RIMS3: variants seen among roughly 807,000 people sequenced by gnomAD.
RIMS3 encodes regulating synaptic membrane exocytosis protein 3.
RIMS3 carries 15 observed loss-of-function variants against 29.2 expected under a neutral mutation model. The ratio of observed to expected loss-of-function variants is 0.51; its 90% CI spans 0.34 to 0.79. The LOEUF is 0.79. RIMS3 is among the 30% of genes least tolerant of loss of function. RIMS3 has a pLI of 0.01. For missense variants in RIMS3, 342 were observed against 421.4 expected (o/e 0.81, Z 1.65); for synonymous variants, 161 against 170.1 (o/e 0.95, Z 0.41).
rs1557662445 is a variant in RIMS3 at position 40,626,325 on chromosome 1, T to A, written c.*192A>T. On this transcript the variant is annotated 3_prime_UTR_variant, in exon 8 of 8. Coordinates refer to ENST00000372684, the MANE Select transcript of RIMS3 (RefSeq NM_014747.3). ...AATGAACAGATAGAACGTGGTCACG[T>A]ACACACACACACACACGCACGCACA... 11 of 599,442 alleles carry A rather than the reference T, an allele frequency of 1.8e-5. No individual in the cohort carries two copies. The highest frequency in any genetic ancestry group is 8.7e-4 in the Middle Eastern group (2 of 2,296). The allele number at this position is 599,442 out of a possible 1,614,324, so 37.1% of individuals were successfully genotyped here.
chr1:40,651,801 T>C (rs1030468602), intron 1 of RIMS3, among the ~76,000 whole-genome samples: 7 of 152,258 alleles, frequency 4.6e-5, no homozygotes, highest in Admixed American at 6.5e-5. Context: ...CTGTGTTTTC[T>C]AAAGTTACTA....
At chr1:40,656,456 A>G (rs1642274312) in intron 1 of RIMS3, among the ~76,000 whole-genome samples, 1 of 152,136 alleles carries the variant, frequency 6.6e-6, no homozygotes, top group African/African-American at 2.4e-5. Context: ...TCTCTGTTAA[A>G]AAGGGAGGGC....
upstream of RIMS3, among the ~76,000 whole-genome samples, chr1:40,670,573 T>TA (rs1370963119): frequency 3.5e-4 from 32 of 92,408 alleles, no homozygotes; most frequent in Non-Finnish European, 4.7e-4. Context: ...TAGTTATAAT[T>TA]TTATATATAT....
intron 1 of RIMS3, among the ~76,000 whole-genome samples, chr1:40,655,899 G>A (rs1642265934): frequency 6.6e-6 from 1 of 152,194 alleles, no homozygotes; most frequent in South Asian, 2.1e-4. Context: ...TGTAATCCCA[G>A]CTACTTGGGA....
At chr1:40,659,278 A>G (rs1642316668) in intron 1 of RIMS3, among the ~76,000 whole-genome samples, 1 of 152,232 alleles carries the variant, frequency 6.6e-6, no homozygotes, top group Non-Finnish European at 1.5e-5. Context: ...GTGGCGGGGA[A>G]GCAGGGAAGA....
the RIMS3 span, among the ~76,000 whole-genome samples, chr1:40,689,967 T>C: frequency 1.3e-5 from 2 of 152,202 alleles, no homozygotes; most frequent in African/African-American, 4.8e-5. Context: ...GCATTTCTAA[T>C]TCTGCTTCAT....
chr1:40,645,711 C>T lies in RIMS3; in HGVS notation c.-32+1957G>A, dbSNP rs77569399. 8.6e-3 allele frequency among the ~76,000 whole-genome samples: 1,304 copies of T among 152,214 alleles called. 16 individuals are homozygous for T. The highest frequency in any genetic ancestry group is 0.029 in the African/African-American group (1,217 of 41,518). ...CCTCTGGGAAGCAAGAGAGTACCAC[C>T]CCCAGGGGGTGAAAAGGGAAGGGGG... On this transcript the variant is annotated intron_variant, in intron 2 of 7. Coordinates refer to ENST00000372684, the MANE Select transcript of RIMS3 (RefSeq NM_014747.3).
chr1:40,644,499 C>T (rs56247023), intron 2 of RIMS3, among the ~76,000 whole-genome samples: 40,643 of 152,052 alleles, frequency 0.27, 5,906 homozygotes, highest in Non-Finnish European at 0.33. Flanking sequence ...CAGTCCAAGA[C>T]GGAGACAGAC....
chr1:40,639,194 C>T (rs1343346485), intron 3 of RIMS3, among the ~76,000 whole-genome samples: 1 of 152,236 alleles, frequency 6.6e-6, no homozygotes. Flanking sequence ...CTTCACACAG[C>T]CCAGCCCTGC....
At chr1:40,643,228 T>C (rs1442391632) in intron 2 of RIMS3, among the ~76,000 whole-genome samples, 2 of 151,956 alleles carry the variant, frequency 1.3e-5, no homozygotes, top group Admixed American at 6.6e-5. Context: ...GCCTCCCGGA[T>C]CCAAGCAATT....
intron 1 of RIMS3, among the ~76,000 whole-genome samples, chr1:40,651,060 A>G (rs1646629134): frequency 6.6e-6 from 1 of 152,040 alleles, no homozygotes; most frequent in Admixed American, 6.6e-5. Flanking sequence ...CTTCCCAGAT[A>G]AGGTTAATCC....
upstream of RIMS3, among the ~76,000 whole-genome samples, chr1:40,670,332 G>A (rs1642475302): frequency 6.6e-6 from 1 of 151,668 alleles, no homozygotes; most frequent in African/African-American, 2.4e-5. Context: ...GGCCTAGACA[G>A]GGAGATCTTT....
In RIMS3 at chr1:40,635,908, G is replaced by A; in HGVS notation, c.359+8C>T. ...AGGGAGGGGACCACAGCACGGGGCT[G>A]CACGCACGTGCCGTCGGAGCTGTTG... On this transcript the variant is annotated splice_region_variant and intron_variant, in intron 4 of 7. Coordinates refer to ENST00000372684, the MANE Select transcript of RIMS3 (RefSeq NM_014747.3). This position sits in a 1 kb window ranked among gnomAD's most constrained non-coding sequence, Gnocchi z 4.1. The A allele has an allele frequency of 6.2e-7, 1 of 1,612,258 alleles. No individual in the cohort carries two copies. The highest frequency in any genetic ancestry group is 1.1e-5 in the South Asian group (1 of 91,028).
At chr1:40,659,401 G>A (rs891614802) in intron 1 of RIMS3, among the ~76,000 whole-genome samples, 6 of 152,122 alleles carry the variant, frequency 3.9e-5, no homozygotes, top group South Asian at 4.1e-4. Context: ...AGGGGGTGAC[G>A]GGGTCAGTTC....
the RIMS3 span, among the ~76,000 whole-genome samples, chr1:40,670,897 T>TA: frequency 6.6e-6 from 1 of 151,848 alleles, no homozygotes; most frequent in African/African-American, 2.4e-5. Flanking sequence ...ATAATATATA[T>TA]TTTTTTAAGT....
the RIMS3 span, among the ~76,000 whole-genome samples, chr1:40,683,630 A>AAACT: frequency 0.78 from 118,632 of 151,824 alleles, 46,909 homozygotes; most frequent in African/African-American, 0.89. Context: ...TAGCAGCAGA[A>AAACT]AACTAAGATA....
intron 1 of RIMS3, among the ~76,000 whole-genome samples, chr1:40,662,193 C>A (rs149905454): frequency 6.6e-6 from 1 of 152,122 alleles, no homozygotes; most frequent in Non-Finnish European, 1.5e-5. Flanking sequence ...ACTAGGAAAT[C>A]GGGCCAGGCT....
the RIMS3 span, among the ~76,000 whole-genome samples, chr1:40,675,224 G>A: frequency 1.3e-5 from 2 of 152,018 alleles, no homozygotes; most frequent in Non-Finnish European, 2.9e-5. Flanking sequence ...AGCCAAGATC[G>A]TGCCATGCCA....
At chr1:40,660,232 G>A (rs1174622762) in intron 1 of RIMS3, among the ~76,000 whole-genome samples, 4 of 152,124 alleles carry the variant, frequency 2.6e-5, no homozygotes, top group Non-Finnish European at 5.9e-5. Flanking sequence ...GGAGGACGGC[G>A]ATGCCAGAGA....
Sources: allele counts gnomAD v4.1 joint callset (sites outside exome capture counted in the v4.1 genomes callset), GRCh38; gene constraint gnomAD v4.1.1; non-coding constraint Gnocchi (gnomAD v3.1); transcripts MANE v1.5; gene names NCBI Gene and HGNC (gene_info 2026-07-23, HGNC 2026-07-21).